Variants in NELL1 observed in about 807,000 individuals in gnomAD.
NELL1 encodes neural EGFL like 1.
NELL1 carries 76 observed loss-of-function variants against 107.4 expected under a neutral mutation model. The ratio of observed to expected loss-of-function variants is 0.71; its 90% confidence interval spans 0.59 to 0.86. The LOEUF (loss-of-function observed/expected upper bound fraction) is 0.86, where lower values mean the gene tolerates loss of function less well. NELL1 is among the 40% of genes least tolerant of loss of function. The pLI is 0.00. For missense variants in NELL1, 1,024 were observed against 1,005.5 expected, an observed-to-expected ratio of 1.02 and a Z score of -0.25; for synonymous variants, 353 against 341.2, an observed-to-expected ratio of 1.03 and a Z score of -0.38.
At chr11:21,224,430 C>G (rs1857840884) in intron 13 of NELL1, among the ~76,000 whole-genome samples, 1 of 150,568 alleles carries the variant, frequency 6.6e-6, no homozygotes, top group Non-Finnish European at 1.5e-5. Flanking sequence ...ACATCACCAT[C>G]TTCCTCACTC....
chr11:20,730,445 A>G (rs1855613043), intron 2 of NELL1, among the ~76,000 whole-genome samples: 1 of 152,138 alleles, frequency 6.6e-6, no homozygotes, highest in Non-Finnish European at 1.5e-5. Context: ...AGTCCATTGT[A>G]TTTCATTCTC....
chr11:20,768,241 G>A (rs1430664190), intron 2 of NELL1, among the ~76,000 whole-genome samples: 1 of 152,142 alleles, frequency 6.6e-6, no homozygotes. Flanking sequence ...AAATCACTTG[G>A]CCAAGGTTAT....
At chr11:21,342,262 C>T (rs1206587869) in intron 14 of NELL1, among the ~76,000 whole-genome samples, 1 of 152,142 alleles carries the variant, frequency 6.6e-6, no homozygotes, top group Admixed American at 6.5e-5. Context: ...CCCTACTAAG[C>T]ACTTTACATA....
chr11:20,736,307 G>A (rs564551137), intron 2 of NELL1, among the ~76,000 whole-genome samples: 8 of 152,304 alleles, frequency 5.3e-5, no homozygotes, highest in African/African-American at 1.7e-4. Flanking sequence ...GACAGTTAGA[G>A]CTTCTCCTAT....
chr11:20,871,847 G>A (rs11025790), intron 4 of NELL1, among the ~76,000 whole-genome samples: 85,706 of 150,472 alleles, frequency 0.57, 26,971 homozygotes, highest in Non-Finnish European at 0.7. Flanking sequence ...GTGAAACCCC[G>A]TCTCTACTAA....
At chr11:21,512,083 C>A (rs912102271) in intron 15 of NELL1, among the ~76,000 whole-genome samples, 2 of 152,160 alleles carry the variant, frequency 1.3e-5, no homozygotes, top group Non-Finnish European at 2.9e-5. Context: ...GTTGAGAACA[C>A]CTCTTGTTCC....
Position 21,456,657 on chromosome 11 carries a change from C to G in NELL1, c.1646-77717C>G, listed in dbSNP as rs1275242214. ...TTCTCAACAAATATTTATTGAGAATCTATTATGCTAGGCTTTAAAGAACTT... is the reference window on the plus strand; with the variant it reads ...TTCTCAACAAATATTTATTGAGAATGTATTATGCTAGGCTTTAAAGAACTT... On this transcript the variant is annotated intron_variant, in intron 15 of 19. Transcript: ENST00000357134. Among the ~76,000 whole-genome samples the G allele has an allele frequency of 3.3e-5, 5 of 151,922 alleles. No individual in the cohort carries two copies. The East Asian group carries it at 9.7e-4, about 29-fold the overall frequency.
chr11:21,465,135 T>C (rs751875740), intron 15 of NELL1, among the ~76,000 whole-genome samples: 1 of 152,038 alleles, frequency 6.6e-6, no homozygotes, highest in African/African-American at 2.4e-5. Context: ...GGTATTCAAA[T>C]ATCCTTAAGA....
Position 21,268,527 on chromosome 11 carries a change from A to G in NELL1, c.1549+39073A>G, listed in dbSNP as rs116543824. Among the ~76,000 whole-genome samples the G allele has an allele frequency of 3.7e-3, 570 of 152,168 alleles. 4 individuals are homozygous for G. Among genetic ancestry groups the G allele is most frequent in the African/African-American group, 0.013 (545 of 41,516 alleles). On this transcript the variant is annotated intron_variant, in intron 14 of 19. Coordinates refer to ENST00000357134, the MANE Select transcript of NELL1 (RefSeq NM_006157.5). The stretch of plus-strand genomic sequence containing the variant: ...TAGCCTTCCACATGGGGGAAGAAAA[A>G]TTCACAGCTCCAGCCCACTCTAACC...
intron 12 of NELL1, among the ~76,000 whole-genome samples, chr11:20,971,670 T>G (rs921433923): frequency 1.3e-5 from 2 of 152,188 alleles, no homozygotes; most frequent in Admixed American, 1.3e-4. Context: ...AGATTTGGGG[T>G]ACCTGGCTTA....
intron 16 of NELL1, among the ~76,000 whole-genome samples, chr11:21,550,760 G>T (rs1229468711): frequency 6.6e-6 from 1 of 152,070 alleles, no homozygotes; most frequent in African/African-American, 2.4e-5. Context: ...AGTGTAGTTT[G>T]AAGTCAGGTA....
chr11:21,526,109 C>T (rs1855848825), intron 15 of NELL1, among the ~76,000 whole-genome samples: 1 of 152,170 alleles, frequency 6.6e-6, no homozygotes, highest in South Asian at 2.1e-4. Flanking sequence ...AGTTACTTAC[C>T]TCCTAGATAC....
At chr11:21,486,255 C>A (rs905826273) in intron 15 of NELL1, among the ~76,000 whole-genome samples, 1 of 152,174 alleles carries the variant, frequency 6.6e-6, no homozygotes, top group Non-Finnish European at 1.5e-5. Context: ...ACTGCTGCCA[C>A]CACAGGGACC....
intron 11 of NELL1, among the ~76,000 whole-genome samples, chr11:20,948,965 C>A (rs1490690176): frequency 6.6e-6 from 1 of 151,704 alleles, no homozygotes; most frequent in South Asian, 2.1e-4. Context: ...TTTTTCCTAT[C>A]TTTTCTGTAG....
chr11:21,138,997 T>A (rs982778990), intron 13 of NELL1, among the ~76,000 whole-genome samples: 2 of 152,180 alleles, frequency 1.3e-5, no homozygotes, highest in African/African-American at 2.4e-5. Context: ...CTCATTGGAG[T>A]AGTTTTGTAA....
intron 15 of NELL1, among the ~76,000 whole-genome samples, chr11:21,515,246 TCA>T (rs1162733782): frequency 6.6e-6 from 1 of 152,166 alleles, no homozygotes. Context: ...TCTGAAAATC[TCA>T]GTCTTTGGCA....
At chr11:20,840,397 G>A (rs1053338671) in intron 3 of NELL1, among the ~76,000 whole-genome samples, 1 of 152,184 alleles carries the variant, frequency 6.6e-6, no homozygotes. Flanking sequence ...CAGGAATTTG[G>A]ACAGAGCCCA....
chr11:21,018,197 T>C (rs184212044), intron 12 of NELL1, among the ~76,000 whole-genome samples: 6 of 152,120 alleles, frequency 3.9e-5, no homozygotes, highest in Admixed American at 2.0e-4. Flanking sequence ...AGAGAATCCT[T>C]TCTTATTTCT....
intron 14 of NELL1, among the ~76,000 whole-genome samples, chr11:21,306,736 A>C (rs190407179): frequency 3.9e-5 from 6 of 152,198 alleles, no homozygotes; most frequent in Non-Finnish European, 7.4e-5. Context: ...AGGTACACGG[A>C]AACTATCCAA....
Sources: allele counts gnomAD v4.1 joint callset (sites outside exome capture counted in the v4.1 genomes callset), GRCh38; gene constraint gnomAD v4.1.1; transcripts MANE v1.5; gene names NCBI Gene and HGNC (gene_info 2026-07-23, HGNC 2026-07-21).